The following DUS3L variants were observed in gnomAD, a reference collection of about 807,000 sequenced individuals.
The protein encoded by DUS3L is tRNA-dihydrouridine(47) synthase [NAD(P)(+)]-like.
In DUS3L, 62 loss-of-function variants were observed where a neutral mutation model predicts 74.6. The observed-to-expected ratio is 0.83, with a 90% CI of 0.68 to 1.03. DUS3L has a LOEUF of 1.03. DUS3L is among the 50% of genes least tolerant of loss of function. DUS3L has a pLI of 0.00. For missense variants in DUS3L, 884 were observed against 924.4 expected, an observed-to-expected ratio of 0.96 and a Z score of 0.57; for synonymous variants, 433 against 395.7, an observed-to-expected ratio of 1.09 and a Z score of -1.12.
chr19:5,788,154 C>A lies in DUS3L; in HGVS notation c.965G>T (p.Arg322Leu), dbSNP rs1347313840. 1 of 1,613,418 alleles carries A rather than the reference C, an allele frequency of 6.2e-7. No homozygotes were observed. ...LTTCGNLPFR[R>L]ICKRFGADVT... is the part of the protein sequence containing the mutation. ...ATCCGCCCCGAAGCGCTTGCAGATC[C>A]GTCGGAAGGGCAGGTTCCCACACTG... Residue 322 changes from arginine (R) to leucine (L), a missense_variant, in exon 5 of 13, where the codon CGG (arginine) becomes CTG (leucine). Physicochemically the swap from Arg to Leu is moderately radical, Grantham distance 102. Transcript: ENST00000309061.
chr19:5,790,124 G>C lies in DUS3L; in HGVS notation c.310C>G (p.Arg104Gly). The part of the protein sequence containing the change: ...GEQLQTQKRA[R>G]GQNKGRPHVK... ...TGGGGCCGGCCCTTGTTTTGTCCCC[G>C]GGCCCTCTTCTGAGTCTGTAGCTGC... is the stretch of plus-strand genomic sequence containing the variant. Residue 104 changes from arginine to glycine, a missense_variant, in exon 2 of 13, where the codon CGG becomes GGG. Coordinates refer to ENST00000309061, the MANE Select transcript of DUS3L (RefSeq NM_020175.3). 6.2e-7 allele frequency: 1 copy of C among 1,614,108 alleles called. No individual in the cohort carries two copies. Among genetic ancestry groups the C allele is most frequent in the Non-Finnish European group, 8.5e-7 (1 of 1,180,016 alleles).
chr19:5,788,954 G>A (rs1305639893), intron 3 of DUS3L, among the ~76,000 whole-genome samples: 1 of 152,148 alleles, frequency 6.6e-6, no homozygotes, highest in Non-Finnish European at 1.5e-5. Context: ...TGATCTGCCT[G>A]CCTCAGCCTC....
At position 5,789,374 on chromosome 19, in the gene DUS3L, C is replaced by G. The variant is rs1481780360; in HGVS notation, c.733G>C (p.Val245Leu). 6.3e-7 allele frequency: 1 copy of G among 1,592,202 alleles called. No homozygotes were observed. Among genetic ancestry groups the G allele is most frequent in the Admixed American group, 1.8e-5 (1 of 56,844 alleles). ...CCCTCGGCTGCCGTGCCCTCGGGGA[C>G]AGCGGCAGCGGGTGTGGGGCCCTGG... ...FSQGPTPAAA[V>L]PEGTAAEGAP... The change falls in exon 3 of 13, where the codon GTC (valine) becomes CTC (leucine). Residue 245 changes from valine to leucine, a missense_variant. By Grantham distance (32) the Val-to-Leu change is conservative. Transcript: ENST00000309061.
At chr19:5,788,860 C>T (rs574050338) in intron 3 of DUS3L, among the ~76,000 whole-genome samples, 3 of 152,282 alleles carry the variant, frequency 2.0e-5, no homozygotes, top group Admixed American at 1.3e-4. Context: ...GTGCCCGCCA[C>T]CAGGCCCGGC....
rs2056875364 is a variant in DUS3L, at chr19:5,788,323, T to C, written c.942+34A>G. 8 of 1,613,450 alleles carry C rather than the reference T, an allele frequency of 5.0e-6. No individual in the cohort carries two copies. The East Asian group carries it at 1.6e-4, about 31-fold the overall frequency. On this transcript the variant is annotated intron_variant, in intron 4 of 12. Coordinates refer to ENST00000309061, the MANE Select transcript of DUS3L (RefSeq NM_020175.3). ...TGTTGGAATGACCACACTGCCACCCTGCCACCCGACCAGCCACCTGACCCA... is the reference window on the plus strand; with the variant it reads ...TGTTGGAATGACCACACTGCCACCCCGCCACCCGACCAGCCACCTGACCCA...
At chr19:5,787,764 T>C (rs1314808476) in intron 5 of DUS3L, 59 bp from the exon 6 acceptor site, 10 of 1,577,110 alleles carry the variant, frequency 6.3e-6, no homozygotes, top group Non-Finnish European at 8.7e-6. Flanking sequence ...TGTCCCCACT[T>C]GGCCGTTCCC....
In DUS3L at chr19:5,785,198, T is replaced by G. The variant is rs199498818; in HGVS notation, c.*5A>C. The G allele has an allele frequency of 1.2e-6, 2 of 1,602,998 alleles. No individual in the cohort carries two copies. The highest frequency in any genetic ancestry group is 4.5e-5 in the East Asian group (2 of 44,530). Reference sequence around the variant, plus strand: ...GCCCCAGGGTGCCCCTGGGAAAGCCTGAGGCTACTTGTACGCGTTGGCCTT... The same window carrying G: ...GCCCCAGGGTGCCCCTGGGAAAGCCGGAGGCTACTTGTACGCGTTGGCCTT... On this transcript the variant is annotated 3_prime_UTR_variant, in exon 13 of 13. Coordinates refer to ENST00000309061, the MANE Select transcript of DUS3L (RefSeq NM_020175.3).
intron 1 of DUS3L, chr19:5,790,711 AC>A (rs148972790): frequency 1.1e-5 from 6 of 534,116 alleles, no homozygotes; most frequent in Non-Finnish European, 1.7e-5. Flanking sequence ...ACTCGCTTCA[AC>A]CCCAAGACCC....
chr19:5,787,384 G>A (rs200880768), intron 6 of DUS3L, 23 bp from the exon 7 acceptor site: 87 of 1,611,456 alleles, frequency 5.4e-5, no homozygotes, highest in Non-Finnish European at 7.0e-5. Flanking sequence ...GGCGGGTGGA[G>A]GGAGGGCAGG....
At position 5,785,219 on chromosome 19, in the gene DUS3L, G is replaced by C; in HGVS notation, c.1937C>G (p.Ala646Gly). 1.2e-6 allele frequency: 2 copies of C among 1,609,078 alleles called. No homozygotes were observed. Among genetic ancestry groups the C allele is most frequent in the Non-Finnish European group, 1.7e-6 (2 of 1,178,406 alleles). The stretch of plus-strand genomic sequence containing the variant: ...AGCCTGAGGCTACTTGTACGCGTTG[G>C]CCTTGTGCTTCGGCAAGAAGGCGAA... ...PSFAFLPKHK[A>G]NAYK is the part of the protein sequence containing the mutation. Residue 646 changes from alanine to glycine, a missense_variant, in exon 13 of 13, where the codon GCC becomes GGC. Coordinates refer to ENST00000309061, the MANE Select transcript of DUS3L (RefSeq NM_020175.3).
In DUS3L at chr19:5,789,623, A is replaced by T. The variant is rs1481443185; in HGVS notation, c.484T>A (p.Cys162Ser). The T allele has an allele frequency of 6.2e-7, 1 of 1,601,174 alleles. No individual in the cohort carries two copies. Among genetic ancestry groups the T allele is most frequent in the South Asian group, 1.1e-5 (1 of 89,124 alleles). ...ETKPADLGPRCVLFETFGRCP... is the reference protein window; with the variant it reads ...ETKPADLGPRSVLFETFGRCP... ...CGGCCGAAGGTCTCGAAGAGCACGC[A>T]GCGGGGGCCCAGGTCGGCCGGCTTG... is the stretch of plus-strand genomic sequence containing the variant. Residue 162 changes from cysteine (C) to serine (S), a missense_variant, in exon 3 of 13, where the codon TGC becomes AGC. Transcript: ENST00000309061.
In DUS3L at chr19:5,785,761, C is replaced by T. The variant is rs201402518; in HGVS notation, c.1593G>A (p.Thr531=). 229 of 1,608,282 alleles carry T rather than the reference C, an allele frequency of 1.4e-4. 1 individual carries two copies. Among genetic ancestry groups the T allele is most frequent in the East Asian group, 2.2e-5 (1 of 44,740 alleles). The change falls in exon 11 of 13, where the codon ACG becomes ACA. Residue 531 remains threonine, a synonymous_variant. Transcript: ENST00000309061. The stretch of plus-strand genomic sequence containing the variant: ...CCCAGTGCCGCTGCTCCTTGATCTC[C>T]GTGAAGAGCCACGGCTTGAGCAGGG... ...RGALLKPWLF[T]EIKEQRHWDI...
At position 5,786,758 on chromosome 19, in the gene DUS3L, G is replaced by C. The variant is rs142310612; in HGVS notation, c.1477C>G (p.Pro493Ala). ...TTCCCGGAACACCCACCGAACAGGG[G>C]CATGGGGCTGGCGGCCTGCACGCAC... is the stretch of plus-strand genomic sequence containing the variant. ...EECVQAASPMPLFGNGDILSF... is the reference protein window; with the variant it reads ...EECVQAASPMALFGNGDILSF... The change falls in exon 9 of 13, where the codon CCC becomes GCC. Residue 493 changes from proline (P) to alanine (A), a missense_variant. Pro to Ala is a conservative substitution (Grantham distance 27, BLOSUM62 -1). Coordinates refer to ENST00000309061, the MANE Select transcript of DUS3L (RefSeq NM_020175.3). 1.3e-4 allele frequency: 203 copies of C among 1,611,802 alleles called. No homozygotes were observed. The highest frequency in any genetic ancestry group is 1.6e-4 in the Non-Finnish European group (194 of 1,179,692).
At position 5,790,323 on chromosome 19, in the gene DUS3L, G is replaced by C. The variant is rs754462334; in HGVS notation, c.111C>G (p.Thr37=). ...CCAGGAATTGGTGAAACTGCTCCTTGGTGGTGAGGTATCTGCCGACAGAAA... is the reference window on the plus strand; with the variant it reads ...CCAGGAATTGGTGAAACTGCTCCTTCGTGGTGAGGTATCTGCCGACAGAAA... ...VAPIKRQYLT[T]KEQFHQFLEA... is the part of the protein sequence containing the mutation. The change falls in exon 2 of 13, where the codon ACC becomes ACG. Residue 37 remains threonine (T), a synonymous_variant. Transcript: ENST00000309061. 1.2e-6 allele frequency: 2 copies of C among 1,614,044 alleles called. No individual in the cohort carries two copies. The highest frequency in any genetic ancestry group is 1.7e-6 in the Non-Finnish European group (2 of 1,179,968).
intron 10 of DUS3L, 80 bp downstream of exon 10, chr19:5,786,387 A>G (rs933570097): frequency 7.2e-6 from 10 of 1,385,464 alleles, no homozygotes; most frequent in Non-Finnish European, 1.0e-5. Context: ...ACCACAGAAC[A>G]GGGGTGGGTG....
chr19:5,786,472 A>G lies in DUS3L; in HGVS notation c.1557T>C (p.Ile519=). 6.2e-7 allele frequency: 1 copy of G among 1,612,820 alleles called. No homozygotes were observed. Among genetic ancestry groups the G allele is most frequent in the South Asian group, 1.1e-5 (1 of 91,000 alleles). ...AMQTGVTGIM[I]ARGALLKPWL... The stretch of plus-strand genomic sequence containing the variant: ...TAACATCCCTGGGCACTTACCGGGC[A>G]ATCATGATCCCGGTGACACCAGTCT... The change falls in exon 10 of 13, where the codon ATT becomes ATC. Residue 519 remains isoleucine (I), a synonymous_variant. Transcript: ENST00000309061.
rs1369433583 is a variant in DUS3L at position 5,785,188 on chromosome 19, T to G, written c.*15A>C. 1.9e-6 allele frequency: 3 copies of G among 1,597,090 alleles called. No individual in the cohort carries two copies. In the Admixed American group the frequency reaches 5.2e-5, roughly 28 times the overall value. ...TACTCTCCTCGCCCCAGGGTGCCCC[T>G]GGGAAAGCCTGAGGCTACTTGTACG... is the stretch of plus-strand genomic sequence containing the variant. On this transcript the variant is annotated 3_prime_UTR_variant, in exon 13 of 13. Transcript: ENST00000309061.
Position 5,789,437 on chromosome 19 carries a change from G to C in DUS3L, c.670C>G (p.Arg224Gly). Residue 224 changes from arginine to glycine, a missense_variant, in exon 3 of 13, where the codon CGC (arginine) becomes GGC (glycine). Arg to Gly is a moderately radical substitution (Grantham distance 125). Transcript: ENST00000309061. Reference protein sequence around the residue: ...LQQQLRKREVRFERAEQALRR... With the variant: ...LQQQLRKREVGFERAEQALRR... ...AGGGCCTGCTCAGCTCGCTCGAAGCGGACCTCGCGCTTCCGCAGCTGCTGC... is the reference window on the plus strand; with the variant it reads ...AGGGCCTGCTCAGCTCGCTCGAAGCCGACCTCGCGCTTCCGCAGCTGCTGC... The C allele has an allele frequency of 1.9e-6, 3 of 1,599,636 alleles. No individual in the cohort carries two copies. Among genetic ancestry groups the C allele is most frequent in the Non-Finnish European group, 1.7e-6 (2 of 1,177,678 alleles).
chr19:5,788,267 A>G (rs2144734467), intron 4 of DUS3L, 90 bp downstream of exon 4: 2 of 1,607,476 alleles, frequency 1.2e-6, no homozygotes, highest in Non-Finnish European at 1.7e-6. Flanking sequence ...CCAGCCCCAC[A>G]ATCCAGTAGG....
Sources: gnomAD v4.1 joint callset for allele counts (sites outside exome capture counted in the v4.1 genomes callset) on GRCh38, gnomAD v4.1.1 for gene constraint, MANE v1.5 for transcripts, NCBI Gene and HGNC (gene_info 2026-07-23, HGNC 2026-07-21) for gene names.